Variants in GRIP1 observed in about 807,000 individuals in gnomAD.
The protein encoded by GRIP1 is glutamate receptor interacting protein 1, also known as glutamate receptor-interacting protein 1.
GRIP1 carries 45 observed loss-of-function variants against 129.9 expected under a neutral mutation model. That is an observed-to-expected ratio of 0.35 (90% CI 0.27 to 0.44). GRIP1 has a LOEUF of 0.44. GRIP1 is among the 20% of genes least tolerant of loss of function. The pLI is 1.00. For missense variants in GRIP1, 1,196 were observed against 1,396.8 expected (o/e 0.86, Z 2.29); for synonymous variants, 530 against 520.8 (o/e 1.02, Z -0.24).
At chr12:66,744,277 A>G (rs1055963372) in intron 1 of GRIP1, among the ~76,000 whole-genome samples, 1 of 152,162 alleles carries the variant, frequency 6.6e-6, no homozygotes, top group Non-Finnish European at 1.5e-5. Flanking sequence ...ATTCCTGAAA[A>G]AAAAAGGTTC....
chr12:66,866,206 T>C (rs1006251862), intron 1 of GRIP1, among the ~76,000 whole-genome samples: 1 of 152,192 alleles, frequency 6.6e-6, no homozygotes, highest in African/African-American at 2.4e-5. Context: ...CAGTGGCTCA[T>C]GCCTATAATC....
intron 1 of GRIP1, among the ~76,000 whole-genome samples, chr12:66,658,269 A>G (rs2033286060): frequency 6.6e-6 from 1 of 152,230 alleles, no homozygotes; most frequent in African/African-American, 2.4e-5. Context: ...AACTTAATGC[A>G]ACCTAAGCTA....
chr12:66,444,193 T>C (rs1376806255), intron 13 of GRIP1, among the ~76,000 whole-genome samples: 1 of 152,182 alleles, frequency 6.6e-6, no homozygotes, highest in Non-Finnish European at 1.5e-5. Context: ...GCATATAAAA[T>C]AGTTTCCTCT....
chr12:66,943,362 C>A lies in GRIP1; in HGVS notation c.58+125688G>T, dbSNP rs375529209. Among the ~76,000 whole-genome samples the A allele has an allele frequency of 3.3e-5, 5 of 152,216 alleles. No individual in the cohort carries two copies. The East Asian group carries it at 9.6e-4, about 29-fold the overall frequency. Reference sequence around the variant, plus strand: ...TTGGGATGAGGAGAGAGAGCACGGTCAAGGAAGAAGTTTCTGTTGAGAGGA... The same window carrying A: ...TTGGGATGAGGAGAGAGAGCACGGTAAAGGAAGAAGTTTCTGTTGAGAGGA... On this transcript the variant is annotated intron_variant, in intron 1 of 1. Transcript: ENST00000643019.
At chr12:66,765,941 T>A (rs2037622429) in intron 1 of GRIP1, among the ~76,000 whole-genome samples, 1 of 152,188 alleles carries the variant, frequency 6.6e-6, no homozygotes, top group African/African-American at 2.4e-5. Flanking sequence ...TTAAATAGTG[T>A]GTGGGCACAG....
chr12:66,948,528 G>A (rs1368081470), intron 1 of GRIP1, among the ~76,000 whole-genome samples: 1 of 152,156 alleles, frequency 6.6e-6, no homozygotes, highest in Non-Finnish European at 1.5e-5. Context: ...AGAAGATTAT[G>A]AGCTGCTTCT....
At chr12:66,483,503 T>A (rs527678343) in intron 7 of GRIP1, among the ~76,000 whole-genome samples, 1 of 152,312 alleles carries the variant, frequency 6.6e-6, no homozygotes, top group South Asian at 2.1e-4. Flanking sequence ...TGAAACTCGA[T>A]AATACTTCCC....
intron 13 of GRIP1, among the ~76,000 whole-genome samples, chr12:66,440,911 A>T (rs1175048155): frequency 1.3e-5 from 2 of 152,232 alleles, no homozygotes; most frequent in African/African-American, 4.8e-5. Flanking sequence ...AAATAGAGCA[A>T]CAAGCACATA....
chr12:67,056,812 T>C (rs1055847711), intron 1 of GRIP1, among the ~76,000 whole-genome samples: 38 of 152,102 alleles, frequency 2.5e-4, no homozygotes, highest in African/African-American at 9.2e-4. Flanking sequence ...TGTTTTGTTT[T>C]GTTTGTTTGT....
chr12:66,541,482 G>C (rs1048439789), intron 3 of GRIP1, among the ~76,000 whole-genome samples: 1 of 152,210 alleles, frequency 6.6e-6, no homozygotes, highest in African/African-American at 2.4e-5. Flanking sequence ...TGATTGGAGT[G>C]TCTCCTTCCC....
At chr12:66,398,330 C>A (rs1447810446) in intron 16 of GRIP1, among the ~76,000 whole-genome samples, 1 of 151,954 alleles carries the variant, frequency 6.6e-6, no homozygotes, top group Non-Finnish European at 1.5e-5. Flanking sequence ...TGTGCAAGAG[C>A]TGAGCTGGCC....
intron 1 of GRIP1, among the ~76,000 whole-genome samples, chr12:66,894,123 T>C (rs1226312682): frequency 6.6e-6 from 1 of 152,190 alleles, no homozygotes; most frequent in Non-Finnish European, 1.5e-5. Flanking sequence ...AGGTCCAGCC[T>C]TTCAACTAAA....
At chr12:66,590,176 C>T (rs2139703142) in intron 2 of GRIP1, among the ~76,000 whole-genome samples, 1 of 152,294 alleles carries the variant, frequency 6.6e-6, no homozygotes, top group South Asian at 2.1e-4. Context: ...GCCACCTCTC[C>T]TGTGACAAAG....
chr12:66,369,533 A>G (rs114684165), intron 23 of GRIP1, among the ~76,000 whole-genome samples: 2,483 of 152,138 alleles, frequency 0.016, 75 homozygotes, highest in African/African-American at 0.057. Flanking sequence ...CTCCAGAGGG[A>G]AAAAATGACT....
chr12:66,785,335 CATACATACATATATAT>C (rs1208780727), intron 1 of GRIP1, among the ~76,000 whole-genome samples: 1 of 27,792 alleles, frequency 3.6e-5, no homozygotes, highest in African/African-American at 9.2e-5. Flanking sequence ...TACATACATA[CATACATACATATATAT>C]ATATATATAT....
chr12:66,703,643 C>T (rs2035428989), intron 1 of GRIP1, among the ~76,000 whole-genome samples: 1 of 152,050 alleles, frequency 6.6e-6, no homozygotes, highest in Non-Finnish European at 1.5e-5. Flanking sequence ...CAGGATGATG[C>T]CCAAACTTGA....
chr12:66,887,412 G>A (rs1339268151), intron 1 of GRIP1, among the ~76,000 whole-genome samples: 1 of 152,174 alleles, frequency 6.6e-6, no homozygotes, highest in African/African-American at 2.4e-5. Flanking sequence ...CACTTTACAG[G>A]TTGTTATGAG....
intron 1 of GRIP1, among the ~76,000 whole-genome samples, chr12:66,958,853 G>A (rs1242947205): frequency 1.3e-5 from 2 of 152,106 alleles, no homozygotes; most frequent in African/African-American, 4.8e-5. Flanking sequence ...TAGGGCTTTT[G>A]ATGCATATTA....
At chr12:66,557,793 A>C (rs2062385623) in intron 2 of GRIP1, among the ~76,000 whole-genome samples, 1 of 152,188 alleles carries the variant, frequency 6.6e-6, no homozygotes. Context: ...ACAACATACC[A>C]AAACCTATGG....
Sources: allele counts gnomAD v4.1 joint callset (sites outside exome capture counted in the v4.1 genomes callset), GRCh38; gene constraint gnomAD v4.1.1; transcripts MANE v1.5; gene names NCBI Gene and HGNC (gene_info 2026-07-23, HGNC 2026-07-21).